The following ZFAND3 variants were observed in gnomAD, a reference collection of about 807,000 sequenced individuals.
ZFAND3 encodes zinc finger AN1-type containing 3.
ZFAND3 carries 10 observed loss-of-function variants against 29.6 expected under a neutral mutation model. The ratio of observed to expected loss-of-function variants is 0.34; its 90% confidence interval spans 0.21 to 0.57. The LOEUF is 0.57. Ranked by LOEUF, ZFAND3 falls within the 20% of genes least tolerant of loss-of-function variation. The pLI, the probability that ZFAND3 is intolerant of heterozygous loss-of-function variation, is 0.86. For missense variants in ZFAND3, 230 were observed against 304.5 expected (o/e 0.76, Z 1.82); for synonymous variants, 128 against 112.6 (o/e 1.14, Z -0.87).
chr6:37,959,451 A>T (rs1010197040), intron 2 of ZFAND3, among the ~76,000 whole-genome samples: 2 of 151,950 alleles, frequency 1.3e-5, no homozygotes, highest in African/African-American at 4.8e-5. Context: ...TTTTCACTTA[A>T]TTTTTTTTAG....
At chr6:37,839,457 C>T (rs541543792) in intron 1 of ZFAND3, among the ~76,000 whole-genome samples, 43 of 151,848 alleles carry the variant, frequency 2.8e-4, no homozygotes, top group Admixed American at 6.6e-4. Context: ...GCTGGGATAA[C>T]AGGCGTGAGC....
At chr6:37,855,145 ATT>A (rs1181032862) in intron 1 of ZFAND3, among the ~76,000 whole-genome samples, 15 of 132,966 alleles carry the variant, frequency 1.1e-4, no homozygotes, top group Non-Finnish European at 1.3e-4. Context: ...TGGCAATTTA[ATT>A]TTTTTTTTTT....
At chr6:37,829,855 A>C (rs1446519026) in intron 1 of ZFAND3, among the ~76,000 whole-genome samples, 1 of 152,222 alleles carries the variant, frequency 6.6e-6, no homozygotes, top group African/African-American at 2.4e-5. Flanking sequence ...TAAATGAAAA[A>C]GTCTTTGCAA....
At chr6:37,946,548 T>C (rs970857310) in intron 2 of ZFAND3, among the ~76,000 whole-genome samples, 3 of 152,216 alleles carry the variant, frequency 2.0e-5, no homozygotes, top group African/African-American at 4.8e-5. Context: ...CTCAATAGTT[T>C]AAAATTGTGA....
At chr6:37,939,661 A>C (rs1305383589) in intron 2 of ZFAND3, among the ~76,000 whole-genome samples, 1 of 152,164 alleles carries the variant, frequency 6.6e-6, no homozygotes, top group Admixed American at 6.5e-5. Context: ...CAAAGCTTGG[A>C]GACTTCTAGT....
At chr6:38,031,342 A>G (rs1393494453) in intron 2 of ZFAND3, among the ~76,000 whole-genome samples, 8 of 152,062 alleles carry the variant, frequency 5.3e-5, no homozygotes, top group Admixed American at 2.0e-4. Context: ...CTATACTACT[A>G]TTGTCATTAA....
chr6:37,863,972 A>G (rs530230206), intron 1 of ZFAND3, among the ~76,000 whole-genome samples: 18 of 151,930 alleles, frequency 1.2e-4, no homozygotes, highest in Non-Finnish European at 1.8e-4. Context: ...CTAGTGACAA[A>G]CAGTGGCTGG....
intron 2 of ZFAND3, among the ~76,000 whole-genome samples, chr6:37,968,336 G>T (rs937677575): frequency 2.0e-5 from 3 of 151,638 alleles, no homozygotes; most frequent in Non-Finnish European, 4.4e-5. Flanking sequence ...CCTAACCATT[G>T]ATAGGATATT....
chr6:38,017,279 G>A (rs1337037736), intron 2 of ZFAND3, among the ~76,000 whole-genome samples: 1 of 152,200 alleles, frequency 6.6e-6, no homozygotes, highest in Non-Finnish European at 1.5e-5. Flanking sequence ...AGCTTATGGA[G>A]GGACCAGAAG....
chr6:37,933,883 ATTT>A (rs58837762), intron 2 of ZFAND3, among the ~76,000 whole-genome samples: 17,631 of 116,010 alleles, frequency 0.15, 690 homozygotes, highest in African/African-American at 0.2. Flanking sequence ...TCTCTCTCTC[ATTT>A]TTTTTTTTTT....
At chr6:37,851,175 TG>T (rs1369883258) in intron 1 of ZFAND3, among the ~76,000 whole-genome samples, 1 of 150,534 alleles carries the variant, frequency 6.6e-6, no homozygotes, top group African/African-American at 2.4e-5. Context: ...CAGGTAGAGA[TG>T]GGGTTTCACC....
intron 2 of ZFAND3, among the ~76,000 whole-genome samples, chr6:38,035,785 C>G (rs1448958190): frequency 6.6e-6 from 1 of 152,174 alleles, no homozygotes; most frequent in African/African-American, 2.4e-5. Context: ...GTGGGAATTT[C>G]TAGAATGCTG....
intron 2 of ZFAND3, among the ~76,000 whole-genome samples, chr6:37,991,602 C>T (rs1334111683): frequency 6.6e-6 from 1 of 152,186 alleles, no homozygotes; most frequent in African/African-American, 2.4e-5. Context: ...AGCCACCTGT[C>T]TTGGCCTCCC....
chr6:38,112,248 A>T (rs138675412), intron 4 of ZFAND3, among the ~76,000 whole-genome samples: 1 of 152,228 alleles, frequency 6.6e-6, no homozygotes, highest in Non-Finnish European at 1.5e-5. Flanking sequence ...CTGTGTGGGT[A>T]TATCTACTAC....
At chr6:37,853,307 AG>A (rs1350477462) in intron 1 of ZFAND3, among the ~76,000 whole-genome samples, 1 of 148,688 alleles carries the variant, frequency 6.7e-6, no homozygotes, top group East Asian at 2.0e-4. Flanking sequence ...GGTGGGCCTG[AG>A]GGGCAACATG....
At chr6:38,015,693 G>A (rs77778796) in intron 2 of ZFAND3, among the ~76,000 whole-genome samples, 9,607 of 152,270 alleles carry the variant, frequency 0.063, 420 homozygotes, top group Middle Eastern at 0.095. Context: ...ATTATATAAA[G>A]TTGGGCAACT....
chr6:37,965,285 A>G (rs938421078), intron 2 of ZFAND3, among the ~76,000 whole-genome samples: 3 of 152,082 alleles, frequency 2.0e-5, no homozygotes, highest in East Asian at 1.9e-4. Flanking sequence ...TTACTGGTCT[A>G]TTTTTTTAGA....
intron 1 of ZFAND3, among the ~76,000 whole-genome samples, chr6:37,870,775 C>T (rs986980769): frequency 6.6e-6 from 1 of 152,126 alleles, no homozygotes. Context: ...CCTCAAACCC[C>T]TGGGCTTCAG....
At chr6:37,883,324 G>A (rs1764930995) in intron 1 of ZFAND3, among the ~76,000 whole-genome samples, 1 of 152,180 alleles carries the variant, frequency 6.6e-6, no homozygotes, top group Admixed American at 6.5e-5. Context: ...CACATCCAGA[G>A]AGTAAGTTTA....
Sources: gnomAD v4.1 joint callset for allele counts (sites outside exome capture counted in the v4.1 genomes callset) on GRCh38, gnomAD v4.1.1 for gene constraint, MANE v1.5 for transcripts, NCBI Gene and HGNC (gene_info 2026-07-23, HGNC 2026-07-21) for gene names.